The following VPS13D variants were observed in gnomAD, a reference collection of about 807,000 sequenced individuals.
VPS13D encodes the protein intermembrane lipid transfer protein VPS13D.
Under a neutral mutation model 461.9 loss-of-function variants are expected in VPS13D, and 187 were observed. The ratio of observed to expected loss-of-function variants is 0.40; its 90% confidence interval spans 0.36 to 0.46. The LOEUF is 0.46. VPS13D is among the 20% of genes least tolerant of loss of function. The probability of loss-of-function intolerance (pLI) is 0.60; values close to 1 mark genes in which losing one functional copy is unlikely to be tolerated. For missense variants in VPS13D, 4,711 were observed against 5,364.9 expected (o/e 0.88, Z 3.81); for synonymous variants, 1,951 against 1,986.3 (o/e 0.98, Z 0.47).
In VPS13D at chr1:12,322,627, C is replaced by T; in HGVS notation, c.7796C>T (p.Ala2599Val). The change falls in exon 34 of 70, where the codon GCT becomes GTT. Residue 2599 changes from alanine to valine, a missense_variant. This residue lies in a region of VPS13D where 4,411 missense variants were observed against 4,937.8 expected (regional missense o/e 0.89). Transcript: ENST00000620676. ...AAATCCATCCCAGAGCAAGCTAATG[C>T]TGCAGTGCCAGACTCAGTGGCCCTG... Reference protein sequence around the residue: ...IAKSIPEQANAAVPDSVALES... With the variant: ...IAKSIPEQANVAVPDSVALES... 6.2e-7 allele frequency: 1 copy of T among 1,614,224 alleles called. No individual in the cohort carries two copies. Among genetic ancestry groups the T allele is most frequent in the Non-Finnish European group, 8.5e-7 (1 of 1,180,034 alleles).
At chr1:12,303,689 G>C (rs1642484679) in intron 25 of VPS13D, among the ~76,000 whole-genome samples, 1 of 152,170 alleles carries the variant, frequency 6.6e-6, no homozygotes, top group East Asian at 1.9e-4. Flanking sequence ...AGCCCTAGAG[G>C]GAGAGCCATC....
intron 65 of VPS13D, among the ~76,000 whole-genome samples, chr1:12,448,636 T>A (rs1224773323): frequency 1.3e-5 from 2 of 152,206 alleles, no homozygotes; most frequent in African/African-American, 4.8e-5. Flanking sequence ...TAATTCTTTA[T>A]AATCAATGTA....
chr1:12,236,543 G>A (rs1023023894), intron 2 of VPS13D, among the ~76,000 whole-genome samples: 6 of 152,008 alleles, frequency 3.9e-5, no homozygotes, highest in African/African-American at 9.7e-5. Context: ...ACCACGCCCG[G>A]CTAATTTTTA....
chr1:12,268,624 T>A (rs1569746635), intron 15 of VPS13D, 82 bp from the exon 16 acceptor site: 2 of 1,437,270 alleles, frequency 1.4e-6, no homozygotes, highest in East Asian at 4.7e-5. Flanking sequence ...AATGTCTGTT[T>A]TTCCAGAATC....
intron 65 of VPS13D, among the ~76,000 whole-genome samples, chr1:12,444,535 CACTT>C (rs1429836609): frequency 6.6e-6 from 1 of 152,024 alleles, no homozygotes; most frequent in African/African-American, 2.4e-5. Flanking sequence ...TTTACTATGT[CACTT>C]ACACCTCTCA....
intron 17 of VPS13D, among the ~76,000 whole-genome samples, chr1:12,272,570 G>T (rs1280071790): frequency 6.6e-6 from 1 of 152,094 alleles, no homozygotes; most frequent in Non-Finnish European, 1.5e-5. Flanking sequence ...TCATGAATTG[G>T]TGTGTTATTT....
chr1:12,350,896 G>T (rs1031769253), intron 46 of VPS13D, among the ~76,000 whole-genome samples: 1 of 152,160 alleles, frequency 6.6e-6, no homozygotes, highest in African/African-American at 2.4e-5. Flanking sequence ...TAAAAAGGAT[G>T]AAAAGGAGGT....
chr1:12,235,451 C>T (rs566332354), intron 2 of VPS13D, among the ~76,000 whole-genome samples: 1 of 152,210 alleles, frequency 6.6e-6, no homozygotes, highest in East Asian at 1.9e-4. Flanking sequence ...TGGCGGGTGC[C>T]TGTAATCCCA....
chr1:12,461,385 G>A (rs554027348), intron 67 of VPS13D, among the ~76,000 whole-genome samples: 59 of 152,312 alleles, frequency 3.9e-4, no homozygotes, highest in African/African-American at 1.4e-3. Context: ...ACTGCAGTAG[G>A]GGAAATGCTC....
chr1:12,236,888 T>C (rs910204773), intron 2 of VPS13D, among the ~76,000 whole-genome samples: 1 of 152,156 alleles, frequency 6.6e-6, no homozygotes, highest in Non-Finnish European at 1.5e-5. Flanking sequence ...GGAGATAATA[T>C]TAACTATCTC....
At chr1:12,363,432 G>A (rs972650464) in intron 52 of VPS13D, among the ~76,000 whole-genome samples, 185 bp downstream of exon 52, 2 of 152,156 alleles carry the variant, frequency 1.3e-5, no homozygotes, top group South Asian at 4.1e-4. Flanking sequence ...GGTGTTGCCC[G>A]TTTTGACCAT....
Position 12,338,278 on chromosome 1 carries a change from A to T in VPS13D, c.8599A>T (p.Asn2867Tyr). ...LRTRSTASLT[N>Y]LEHQIYARAE... ...AACTAGGAGTACAGCCAGTCTGACT[A>T]ACCTAGAGCACCAGATCTATGCTAG... The change falls in exon 40 of 70, where the codon AAC becomes TAC. Residue 2867 changes from asparagine to tyrosine, a missense_variant. Coordinates refer to ENST00000620676, the MANE Select transcript of VPS13D (RefSeq NM_015378.4). 6.2e-7 allele frequency: 1 copy of T among 1,613,770 alleles called. No homozygotes were observed. Among genetic ancestry groups the T allele is most frequent in the Non-Finnish European group, 8.5e-7 (1 of 1,179,766 alleles).
chr1:12,319,384 C>A lies in VPS13D; in HGVS notation c.7415-113C>A. 1.0e-5 allele frequency: 15 copies of A among 1,451,244 alleles called. No individual in the cohort carries two copies. The South Asian group carries it at 1.9e-4, about 19-fold the overall frequency. 89.9% of individuals were successfully genotyped at this position (1,451,244 alleles called of 1,614,324 possible). A position where few individuals can be genotyped will look rare whatever the true frequency, so the allele number is the denominator to read the frequency against. ...GTCAGCAGACATTTTGGAGAAAAATCTTACTGGTTCATGTTGTTGCCTGGT... is the reference window on the plus strand; with the variant it reads ...GTCAGCAGACATTTTGGAGAAAAATATTACTGGTTCATGTTGTTGCCTGGT... On this transcript the variant is annotated intron_variant, in intron 31 of 69. Transcript: ENST00000620676.
intron 39 of VPS13D, 156 bp from the exon 40 acceptor site, chr1:12,338,075 G>A (rs1318315609): frequency 1.0e-5 from 6 of 585,226 alleles, no homozygotes; most frequent in African/African-American, 3.7e-5. Flanking sequence ...AAGTACATTC[G>A]TAGTGCTTAG....
chr1:12,492,372 A>G lies in VPS13D; in HGVS notation c.12663-5128A>G, dbSNP rs1645894716. On this transcript the variant is annotated intron_variant, in intron 67 of 69. Coordinates refer to ENST00000620676, the MANE Select transcript of VPS13D (RefSeq NM_015378.4). ...TCCATTCAAGCAGCAAAGATTCAAG[A>G]GTCTAGACCAGTGCTATCCAAAATA... 3.3e-5 allele frequency among the ~76,000 whole-genome samples: 5 copies of G among 152,258 alleles called. No homozygotes were observed. In the South Asian group the frequency reaches 1.0e-3, roughly 32 times the overall value.
chr1:12,369,552 G>C lies in VPS13D; in HGVS notation c.10658G>C (p.Trp3553Ser). 1 of 1,614,118 alleles carries C rather than the reference G, an allele frequency of 6.2e-7. No individual in the cohort carries two copies. Among genetic ancestry groups the C allele is most frequent in the Non-Finnish European group, 8.5e-7 (1 of 1,180,026 alleles). ...VKPMTSLDYA[W>S]DEPTLPPFIT... is the part of the protein sequence containing the mutation. ...CCCATGACTTCATTGGATTATGCCT[G>C]GGACGAACCCACCTTGCCACCTTTT... Residue 3553 changes from tryptophan (W) to serine (S), a missense_variant, in exon 54 of 70, where the codon TGG becomes TCG. Trp to Ser is a radical substitution (Grantham distance 177). Around this residue, in one of 3 missense-constraint regions of VPS13D, gnomAD observed 4,411 missense variants for 4,937.8 expected, o/e 0.89. Coordinates refer to ENST00000620676, the MANE Select transcript of VPS13D (RefSeq NM_015378.4).
At position 12,328,859 on chromosome 1, in the gene VPS13D, G is replaced by A. The variant is rs115079141; in HGVS notation, c.8198-970G>A. On this transcript the variant is annotated intron_variant, in intron 36 of 69. Transcript: ENST00000620676. ...TGGCGAGGTTGAGGTTTTGAGGAGA[G>A]TAAATGAAAATCTCCCTACTCTGTT... 2.6e-3 allele frequency among the ~76,000 whole-genome samples: 398 copies of A among 152,238 alleles called. 3 individuals are homozygous for A. Among genetic ancestry groups the A allele is most frequent in the African/African-American group, 9.3e-3 (387 of 41,534 alleles).
intron 65 of VPS13D, among the ~76,000 whole-genome samples, chr1:12,451,109 A>G (rs533461215): frequency 5.9e-5 from 9 of 152,246 alleles, no homozygotes; most frequent in Non-Finnish European, 1.0e-4. Context: ...CTGATCAGAC[A>G]GAACAGAGGA....
Position 12,452,156 on chromosome 1 carries a change from G to A in VPS13D, c.12334-3842G>A, listed in dbSNP as rs550931594. On this transcript the variant is annotated intron_variant, in intron 65 of 69. Transcript: ENST00000620676. Reference sequence around the variant, plus strand: ...TCTGATTCTCTGTCTCTAGCCTGCCGTACAAGTAGGGCTTCTGCACATGTT... The same window carrying A: ...TCTGATTCTCTGTCTCTAGCCTGCCATACAAGTAGGGCTTCTGCACATGTT... Among the ~76,000 whole-genome samples the A allele has an allele frequency of 5.3e-5, 8 of 152,324 alleles. No homozygotes were observed. In the South Asian group the frequency reaches 6.2e-4, roughly 12 times the overall value.
Sources: allele counts gnomAD v4.1 joint callset (sites outside exome capture counted in the v4.1 genomes callset), GRCh38; gene constraint gnomAD v4.1.1; regional missense constraint gnomAD v4.1.1; transcripts MANE v1.5; gene names NCBI Gene and HGNC (gene_info 2026-07-23, HGNC 2026-07-21).